Variants in DCDC2C observed in about 807,000 individuals in gnomAD.
DCDC2C encodes the protein doublecortin domain containing 2C.
A neutral mutation model predicts 45.0 loss-of-function variants in DCDC2C; 44 were observed. The observed-to-expected ratio is 0.98, with a 90% CI of 0.77 to 1.26. DCDC2C has a LOEUF of 1.26. DCDC2C is among the 50% of genes most tolerant of loss of function. The pLI, the probability that DCDC2C is intolerant of heterozygous loss-of-function variation, is 0.00. For missense variants in DCDC2C, 447 were observed against 468.9 expected, an observed-to-expected ratio of 0.95 and a Z score of 0.43; for synonymous variants, 187 against 178.8, an observed-to-expected ratio of 1.05 and a Z score of -0.37.
At chr2:3,772,215 C>G (rs1489638313) in intron 8 of DCDC2C, among the ~76,000 whole-genome samples, 3 of 152,184 alleles carry the variant, frequency 2.0e-5, no homozygotes, top group African/African-American at 2.4e-5. Context: ...GCTTCGTGGT[C>G]AGTGACACTA....
chr2:3,847,474 CGTGTGTATA>C lies in DCDC2C; in HGVS notation c.*292_*300del. 3.9e-6 allele frequency: 1 copy of C among 256,118 alleles called. No homozygotes were observed. Among genetic ancestry groups the C allele is most frequent in the Non-Finnish European group, 7.4e-6 (1 of 136,042 alleles). 15.9% of individuals were successfully genotyped at this position (256,118 alleles called of 1,614,324 possible). ...AGAAAGTGAGAAGAATTTGAAAAAA[CGTGTGTATA>C]TTTTCCCCTCATGATATTTTTTTCC... is the stretch of plus-strand genomic sequence containing the variant. On this transcript the variant is annotated 3_prime_UTR_variant, in exon 11 of 11. Coordinates refer to ENST00000399143, the MANE Select transcript of DCDC2C (RefSeq NM_001287444.2).
chr2:3,714,638 G>A (rs1668303520), intron 2 of DCDC2C, among the ~76,000 whole-genome samples: 2 of 152,194 alleles, frequency 1.3e-5, no homozygotes, highest in South Asian at 4.1e-4. Context: ...TTAGATCACT[G>A]AAGCCTACCA....
At chr2:3,779,857 T>C (rs1288188203) in intron 9 of DCDC2C, among the ~76,000 whole-genome samples, 2 of 152,138 alleles carry the variant, frequency 1.3e-5, no homozygotes, top group Admixed American at 1.3e-4. Flanking sequence ...AGGGAGCTTG[T>C]GCCAGGGTGC....
At position 3,818,903 on chromosome 2, in the gene DCDC2C, G is replaced by T. The variant is rs1671621203; in HGVS notation, c.1066-28251G>T. On this transcript the variant is annotated intron_variant, in intron 10 of 10. Coordinates refer to ENST00000399143, the MANE Select transcript of DCDC2C (RefSeq NM_001287444.2). The surrounding 1 kb of genome is among the most constrained non-coding windows in gnomAD (Gnocchi z 4.7). ...TTAATAAGGGAACTGGGCAGGTGGG[G>T]ATAACTAAAAAGGAGTGCATAAAAG... is the stretch of plus-strand genomic sequence containing the variant. 6.6e-6 allele frequency among the ~76,000 whole-genome samples: 1 copy of T among 152,156 alleles called. No homozygotes were observed. Among genetic ancestry groups the T allele is most frequent in the Non-Finnish European group, 1.5e-5 (1 of 68,044 alleles).
chr2:3,785,044 G>GT lies in DCDC2C; in HGVS notation c.1024-9dup, dbSNP rs1425720122. 8.1e-7 allele frequency: 1 copy of GT among 1,230,976 alleles called. No homozygotes were observed. The highest frequency in any genetic ancestry group is 1.0e-6 in the Non-Finnish European group (1 of 987,320). 76.3% of individuals were successfully genotyped at this position (1,230,976 alleles called of 1,614,324 possible). A position where few individuals can be genotyped will look rare whatever the true frequency, so the allele number is the denominator to read the frequency against. On this transcript the variant is annotated splice_polypyrimidine_tract_variant and intron_variant, in intron 9 of 10. Transcript: ENST00000399143. ...CTTGCGATAGTTGATTCCTATATTTGTTTTTTCATACTAGGATAAAGAAGA... is the reference window on the plus strand; with the variant it reads ...CTTGCGATAGTTGATTCCTATATTTGTTTTTTTCATACTAGGATAAAGAAGA...
intron 4 of DCDC2C, among the ~76,000 whole-genome samples, chr2:3,751,328 C>A (rs1669535165): frequency 6.6e-6 from 1 of 152,244 alleles, no homozygotes; most frequent in Non-Finnish European, 1.5e-5. Context: ...AGGGGACTGA[C>A]TGTCCCCAGG....
intron 2 of DCDC2C, among the ~76,000 whole-genome samples, chr2:3,714,272 T>G (rs1017926539): frequency 6.6e-6 from 1 of 152,210 alleles, no homozygotes; most frequent in Non-Finnish European, 1.5e-5. Flanking sequence ...TTGCACTTCA[T>G]TAAATGGAGG....
intron 10 of DCDC2C, among the ~76,000 whole-genome samples, chr2:3,839,411 T>C (rs1672155426): frequency 6.6e-6 from 1 of 152,204 alleles, no homozygotes; most frequent in African/African-American, 2.4e-5. Flanking sequence ...TAAATGAAAA[T>C]AAAAACTAGG....
chr2:3,842,137 G>A (rs1489517714), intron 10 of DCDC2C, among the ~76,000 whole-genome samples: 5 of 152,174 alleles, frequency 3.3e-5, no homozygotes, highest in African/African-American at 2.4e-5. Flanking sequence ...CTTGGGCCAA[G>A]TGCTGTCCGG....
At chr2:3,814,960 G>A (rs1671516767) in intron 10 of DCDC2C, among the ~76,000 whole-genome samples, 1 of 152,274 alleles carries the variant, frequency 6.6e-6, no homozygotes, top group African/African-American at 2.4e-5. Context: ...AGGGAGCATA[G>A]CGTGTTAGGC....
rs1277900298 is a variant in DCDC2C, at chr2:3,768,113, T to C, written c.853+233T>C. 6.6e-5 allele frequency among the ~76,000 whole-genome samples: 10 copies of C among 152,094 alleles called. 1 individual carries two copies. The highest frequency in any genetic ancestry group is 5.9e-4 in the Admixed American group (9 of 15,272). ...TTCTCTAATTAGGGGGCCTCCAAGA[T>C]AAATACATATTTAAAATCAGCTTAC... On this transcript the variant is annotated intron_variant, in intron 7 of 10. Coordinates refer to ENST00000399143, the MANE Select transcript of DCDC2C (RefSeq NM_001287444.2).
In DCDC2C at chr2:3,725,755, C is replaced by CAGT. The variant is rs1455776435; in HGVS notation, c.340-1246_340-1245insTAG. Among the ~76,000 whole-genome samples the CAGT allele has an allele frequency of 5.4e-3, 159 of 29,210 alleles. 1 individual carries two copies. The highest frequency in any genetic ancestry group is 9.2e-3 in the Admixed American group (22 of 2,388). The allele number at this position is 29,210 out of a possible 152,430, so 19.2% of individuals were successfully genotyped here. ...CAGGTGGATCCCGGAGAGAGACTGC[C>CAGT]AGAGAGTGATGAGGGTGGCCAGGTG... On this transcript the variant is annotated intron_variant, in intron 2 of 10. Transcript: ENST00000399143.
chr2:3,836,978 C>T (rs1672096022), intron 10 of DCDC2C, among the ~76,000 whole-genome samples: 1 of 151,994 alleles, frequency 6.6e-6, no homozygotes, highest in Non-Finnish European at 1.5e-5. Flanking sequence ...AAAAGGAGGA[C>T]CAGAACTCCT....
chr2:3,819,689 G>A (rs1478327786), intron 10 of DCDC2C, among the ~76,000 whole-genome samples: 1 of 152,256 alleles, frequency 6.6e-6, no homozygotes, highest in Non-Finnish European at 1.5e-5. Context: ...AACGAGCCAT[G>A]AACTGGGCTG....
chr2:3,786,170 C>T (rs1670646243), intron 10 of DCDC2C, among the ~76,000 whole-genome samples: 1 of 152,096 alleles, frequency 6.6e-6, no homozygotes, highest in Non-Finnish European at 1.5e-5. Flanking sequence ...GTGGATGTGT[C>T]CCACCGAGCA....
intron 6 of DCDC2C, among the ~76,000 whole-genome samples, chr2:3,759,263 CT>C (rs1032412247): frequency 6.6e-6 from 1 of 152,120 alleles, no homozygotes; most frequent in African/African-American, 2.4e-5. Context: ...TGATTTGTTT[CT>C]GTTATTTTCT....
At chr2:3,782,420 C>T (rs1308359761) in intron 9 of DCDC2C, among the ~76,000 whole-genome samples, 2 of 151,956 alleles carry the variant, frequency 1.3e-5, no homozygotes, top group African/African-American at 2.4e-5. Context: ...ACTGTAATAA[C>T]ATTTTTCATC....
chr2:3,798,641 G>A (rs1446238572), intron 10 of DCDC2C, among the ~76,000 whole-genome samples: 1 of 149,474 alleles, frequency 6.7e-6, no homozygotes, highest in African/African-American at 2.4e-5. Flanking sequence ...GCTTAGTTTG[G>A]CTGGATATGA....
Position 3,761,390 on chromosome 2 carries a change from T to C in DCDC2C, c.727-6364T>C, listed in dbSNP as rs1238532384. On this transcript the variant is annotated intron_variant, in intron 6 of 10. Coordinates refer to ENST00000399143, the MANE Select transcript of DCDC2C (RefSeq NM_001287444.2). This position sits in a 1 kb window ranked among gnomAD's most constrained non-coding sequence, Gnocchi z 4.3. ...TTAAGGAGGTGCGTGTGTGTGTGCG[T>C]GTGTGTGTGCGTGAAAACAGTTGCA... Among the ~76,000 whole-genome samples, 1 of 152,130 alleles carries C rather than the reference T, an allele frequency of 6.6e-6. No individual in the cohort carries two copies. Among genetic ancestry groups the C allele is most frequent in the Non-Finnish European group, 1.5e-5 (1 of 68,010 alleles).
Sources: gnomAD v4.1 joint callset for allele counts (sites outside exome capture counted in the v4.1 genomes callset) on GRCh38, gnomAD v4.1.1 for gene constraint, Gnocchi (gnomAD v3.1) non-coding constraint, MANE v1.5 for transcripts, NCBI Gene and HGNC (gene_info 2026-07-23, HGNC 2026-07-21) for gene names.